The following TRMT11 variants were observed in gnomAD, a reference collection of about 807,000 sequenced individuals.
The protein encoded by TRMT11 is tRNA (guanine(10)-N(2))-methyltransferase TRMT11.
A neutral mutation model predicts 62.8 loss-of-function variants in TRMT11; 53 were observed. That is an observed-to-expected ratio of 0.84 (90% CI 0.68 to 1.06). TRMT11 has a LOEUF of 1.06. TRMT11 is among the 50% of genes least tolerant of loss of function. The pLI, the probability that TRMT11 is intolerant of heterozygous loss-of-function variation, is 0.00. For synonymous variants in TRMT11, 188 were observed against 190.3 expected (o/e 0.99, Z 0.10); for missense variants, 556 against 553.4 (o/e 1.00, Z -0.05).
At chr6:126,097,144 AT>A (rs1777349771) in intron 17 of TRMT11, among the ~76,000 whole-genome samples, 1 of 152,194 alleles carries the variant, frequency 6.6e-6, no homozygotes, top group South Asian at 2.1e-4. Context: ...GGGTGGTAAT[AT>A]GAAATAGAGG....
chr6:126,010,247 T>G (rs752629581), intron 8 of TRMT11, among the ~76,000 whole-genome samples: 3 of 152,084 alleles, frequency 2.0e-5, no homozygotes, highest in Non-Finnish European at 2.9e-5. Flanking sequence ...AGTGTTGACC[T>G]TCATACAGCT....
intron 17 of TRMT11, among the ~76,000 whole-genome samples, chr6:126,081,720 A>G (rs964450523): frequency 6.6e-5 from 10 of 152,172 alleles, no homozygotes; most frequent in African/African-American, 1.2e-4. Context: ...GAGTTACCCA[A>G]TAGGCTGCCA....
At chr6:126,154,603 A>G (rs1346366066) in intron 21 of TRMT11, among the ~76,000 whole-genome samples, 2 of 152,212 alleles carry the variant, frequency 1.3e-5, no homozygotes, top group African/African-American at 2.4e-5. Flanking sequence ...TTTCTTAGCC[A>G]AAATTGAATA....
chr6:126,191,102 T>A (rs1206706216), intron 1 of TRMT11, among the ~76,000 whole-genome samples: 7 of 152,154 alleles, frequency 4.6e-5, no homozygotes, highest in Non-Finnish European at 1.0e-4. Flanking sequence ...CAGCATTTGT[T>A]ATTTTTTTTG....
At chr6:126,232,174 G>A in the TRMT11 span, among the ~76,000 whole-genome samples, 1 of 151,772 alleles carries the variant, frequency 6.6e-6, no homozygotes, top group South Asian at 2.1e-4. Context: ...GTGTAGATGT[G>A]TGTGTAGTTG....
intron 21 of TRMT11, among the ~76,000 whole-genome samples, chr6:126,122,054 T>C (rs1394334248): frequency 6.6e-6 from 1 of 152,074 alleles, no homozygotes; most frequent in Non-Finnish European, 1.5e-5. Context: ...GTTCTTGTGA[T>C]AGTGAATAAG....
intron 11 of TRMT11, among the ~76,000 whole-genome samples, chr6:126,013,624 C>T (rs963664553): frequency 5.3e-5 from 8 of 152,130 alleles, no homozygotes; most frequent in African/African-American, 1.9e-4. Context: ...TGGCAAACCA[C>T]GGCCTATGGG....
At chr6:126,120,211 G>T (rs1004160366) in intron 21 of TRMT11, among the ~76,000 whole-genome samples, 51 of 152,204 alleles carry the variant, frequency 3.4e-4, no homozygotes, top group Admixed American at 3.2e-3. Flanking sequence ...GGAAGAGGAG[G>T]TTGTAGTGAG....
chr6:126,082,172 C>T (rs773992568), intron 17 of TRMT11, among the ~76,000 whole-genome samples: 9 of 152,180 alleles, frequency 5.9e-5, no homozygotes, highest in East Asian at 1.9e-4. Context: ...AGTTTAGAGA[C>T]GGTCTTGCAT....
chr6:126,013,663 A>G (rs1402093964), intron 11 of TRMT11, among the ~76,000 whole-genome samples: 1 of 152,236 alleles, frequency 6.6e-6, no homozygotes, highest in Non-Finnish European at 1.5e-5. Context: ...CTGTGTTTAT[A>G]AGGTTCTTGA....
At chr6:126,125,426 T>C (rs1381187860) in intron 21 of TRMT11, among the ~76,000 whole-genome samples, 2 of 152,080 alleles carry the variant, frequency 1.3e-5, no homozygotes, top group Non-Finnish European at 2.9e-5. Flanking sequence ...CTTCAGGGTG[T>C]TAAATGGCAT....
chr6:125,993,937 C>A, intron 2 of TRMT11, 115 bp downstream of exon 2: 1 of 570,538 alleles, frequency 1.8e-6, no homozygotes, highest in East Asian at 3.1e-5. Context: ...GTATCTGTTT[C>A]AAGAGGCAGT....
In TRMT11 at chr6:126,061,308, A is replaced by G. The variant is rs189256397; in HGVS notation, c.*1437+8118A>G. Among the ~76,000 whole-genome samples the G allele has an allele frequency of 3.3e-5, 5 of 152,310 alleles. No individual in the cohort carries two copies. The East Asian group carries it at 9.6e-4, about 29-fold the overall frequency. ...TATGGTTCCCAACTCAAAACAAGAT[A>G]CCACACATGCTACAGCTATTGTCTG... On this transcript the variant is annotated intron_variant and NMD_transcript_variant, in intron 17 of 22. Coordinates refer to the TRMT11 transcript ENST00000648977.
At chr6:126,188,101 A>T (rs1264806338) in intron 1 of TRMT11, among the ~76,000 whole-genome samples, 1 of 151,952 alleles carries the variant, frequency 6.6e-6, no homozygotes, top group Non-Finnish European at 1.5e-5. Flanking sequence ...TTAAAAGAAC[A>T]CAATTCATAA....
intron 11 of TRMT11, among the ~76,000 whole-genome samples, chr6:126,017,070 G>C (rs1795097948): frequency 6.6e-6 from 1 of 152,098 alleles, no homozygotes; most frequent in Admixed American, 6.6e-5. Context: ...ATATTCATTT[G>C]AATTAAACAG....
chr6:126,244,347 T>C, the TRMT11 span, among the ~76,000 whole-genome samples: 2 of 152,218 alleles, frequency 1.3e-5, no homozygotes, highest in Non-Finnish European at 2.9e-5. Context: ...TCTGTGATTT[T>C]TCTGAGAGTT....
downstream of TRMT11, among the ~76,000 whole-genome samples, chr6:126,039,686 T>C (rs1353900389): frequency 1.3e-5 from 2 of 152,104 alleles, no homozygotes; most frequent in Admixed American, 1.3e-4. Context: ...AATATCTTGC[T>C]TGAAAACCAC....
At position 126,093,614 on chromosome 6, in the gene TRMT11, TATATATATATA is replaced by T. The variant is rs1777303551; in HGVS notation, c.*1438-19251_*1438-19241del. Among the ~76,000 whole-genome samples the T allele has an allele frequency of 2.1e-5, 2 of 93,328 alleles. 1 individual carries two copies. The highest frequency in any genetic ancestry group is 1.4e-4 in the African/African-American group (2 of 14,794). 61.2% of individuals were successfully genotyped at this position (93,328 alleles called of 152,430 possible). ...ATATATATATATATATATATATATA[TATATATATATA>T]TATATATTTTCCCCCAGTCCTGGAG... On this transcript the variant is annotated intron_variant and NMD_transcript_variant, in intron 17 of 22. Coordinates refer to the TRMT11 transcript ENST00000648977.
chr6:126,031,036 G>C (rs2128042349), intron 12 of TRMT11, among the ~76,000 whole-genome samples: 1 of 152,276 alleles, frequency 6.6e-6, no homozygotes, highest in Middle Eastern at 3.4e-3. Context: ...GTAGGAGCCA[G>C]TTTGTAGTAG....
Sources: gnomAD v4.1 joint callset for allele counts (sites outside exome capture counted in the v4.1 genomes callset) on GRCh38, gnomAD v4.1.1 for gene constraint, MANE v1.5 for transcripts, NCBI Gene and HGNC (gene_info 2026-07-23, HGNC 2026-07-21) for gene names.